Variants in NRG1 observed in about 807,000 individuals in gnomAD.
NRG1 encodes the protein neuregulin 1, also known as pro-neuregulin-1, membrane-bound isoform.
NRG1 carries 18 observed loss-of-function variants against 63.8 expected under a neutral mutation model. That is an observed-to-expected ratio of 0.28 (90% CI 0.19 to 0.42). The LOEUF (loss-of-function observed/expected upper bound fraction) is 0.42. NRG1 is among the 10% of genes least tolerant of loss of function. The pLI is 1.00. For missense variants in NRG1, 762 were observed against 814.7 expected, an observed-to-expected ratio of 0.94 and a Z score of 0.79; for synonymous variants, 302 against 301.3, an observed-to-expected ratio of 1.00 and a Z score of -0.02.
At chr8:31,654,154 A>G (rs1232307374) in intron 1 of NRG1, among the ~76,000 whole-genome samples, 1 of 152,202 alleles carries the variant, frequency 6.6e-6, no homozygotes, top group African/African-American at 2.4e-5. Flanking sequence ...GGACTCAGTC[A>G]TATTTCTCTT....
intron 1 of NRG1, among the ~76,000 whole-genome samples, chr8:31,726,775 T>A (rs1414582423): frequency 2.1e-5 from 1 of 47,790 alleles, no homozygotes; most frequent in Non-Finnish European, 4.5e-5. Context: ...TGTCCTGGAA[T>A]GAGGCAAGGA....
chr8:32,633,055 C>T (rs1408554553), intron 5 of NRG1, among the ~76,000 whole-genome samples: 2 of 151,982 alleles, frequency 1.3e-5, no homozygotes, highest in Admixed American at 1.3e-4. Flanking sequence ...TTTTTGACTA[C>T]TTTTTTATGC....
chr8:31,640,023 CG>C lies in NRG1; in HGVS notation c.37+594del. On this transcript the variant is annotated intron_variant, in intron 1 of 10. Transcript: ENST00000519301. The surrounding 1 kb of genome is among the most constrained non-coding windows in gnomAD (Gnocchi z 6.3). ...GCGCCCCGCGCCGCTCCGGGCGTCC[CG>C]GCCCCCGGGCCCAGCGCCCCGGCTC... 1 of 1,136,184 alleles carries C rather than the reference CG, an allele frequency of 8.8e-7. No individual in the cohort carries two copies. 70.4% of individuals were successfully genotyped at this position (1,136,184 alleles called of 1,614,324 possible).
chr8:32,754,544 A>C, intron 8 of NRG1, 70 bp downstream of exon 8: 1 of 1,415,414 alleles, frequency 7.1e-7, no homozygotes, highest in Non-Finnish European at 9.9e-7. Flanking sequence ...AGGGCTTTGC[A>C]GAATCTGAGC....
intron 1 of NRG1, among the ~76,000 whole-genome samples, chr8:31,708,680 C>G (rs997885440): frequency 1.3e-5 from 2 of 151,834 alleles, no homozygotes; most frequent in African/African-American, 2.4e-5. Flanking sequence ...CTCCTGACCT[C>G]GTGATCCGCC....
At chr8:31,989,636 G>A (rs943981308) in intron 1 of NRG1, among the ~76,000 whole-genome samples, 3 of 151,962 alleles carry the variant, frequency 2.0e-5, no homozygotes, top group Non-Finnish European at 4.4e-5. Context: ...ATTTCTCAAT[G>A]AAAAAATAAT....
chr8:32,259,683 G>A (rs1850143773), intron 1 of NRG1, among the ~76,000 whole-genome samples: 1 of 152,172 alleles, frequency 6.6e-6, no homozygotes, highest in Non-Finnish European at 1.5e-5. Context: ...AAGTATAGGT[G>A]TCTGAACATC....
At chr8:32,041,546 G>A (rs1315667435) in intron 1 of NRG1, among the ~76,000 whole-genome samples, 2 of 152,324 alleles carry the variant, frequency 1.3e-5, no homozygotes, top group East Asian at 3.9e-4. Context: ...GGGAAGCTCA[G>A]AAGTAGACAT....
chr8:32,034,299 C>A (rs1294428782), intron 1 of NRG1, among the ~76,000 whole-genome samples: 1 of 152,170 alleles, frequency 6.6e-6, no homozygotes, highest in Non-Finnish European at 1.5e-5. Flanking sequence ...AACAATTAAG[C>A]CAACTTTATC....
intron 1 of NRG1, among the ~76,000 whole-genome samples, chr8:32,341,722 T>C (rs1804104023): frequency 6.6e-6 from 1 of 152,150 alleles, no homozygotes; most frequent in Non-Finnish European, 1.5e-5. Flanking sequence ...AAAACCAAGT[T>C]GTATCGTTGA....
intron 1 of NRG1, among the ~76,000 whole-genome samples, chr8:32,018,517 T>G (rs997392418): frequency 1.3e-5 from 2 of 152,256 alleles, no homozygotes; most frequent in African/African-American, 2.4e-5. Flanking sequence ...AAAAATAGAT[T>G]GTTGCAGAAA....
intron 1 of NRG1, among the ~76,000 whole-genome samples, chr8:32,240,834 T>A (rs1848026848): frequency 6.6e-6 from 1 of 152,148 alleles, no homozygotes; most frequent in Non-Finnish European, 1.5e-5. Flanking sequence ...TCAGATTTTT[T>A]ATTTTGAGAT....
At chr8:32,229,082 A>G (rs1846628479) in intron 1 of NRG1, among the ~76,000 whole-genome samples, 1 of 152,160 alleles carries the variant, frequency 6.6e-6, no homozygotes. Context: ...ATTATCTTCA[A>G]TGGGAAACGT....
intron 1 of NRG1, among the ~76,000 whole-genome samples, chr8:32,432,272 A>G (rs551209065): frequency 3.9e-5 from 6 of 152,312 alleles, no homozygotes; most frequent in South Asian, 2.1e-4. Flanking sequence ...ATTGAAAGCT[A>G]ACTATGTACT....
intron 1 of NRG1, among the ~76,000 whole-genome samples, chr8:32,403,928 G>A (rs188984406): frequency 6.6e-6 from 1 of 152,292 alleles, no homozygotes; most frequent in East Asian, 1.9e-4. Context: ...TCTGAGGCAA[G>A]AGCAGATTCT....
In NRG1 at chr8:32,591,811, G is replaced by T. The variant is rs532118897; in HGVS notation, c.101-4017G>T. 2.1e-3 allele frequency among the ~76,000 whole-genome samples: 325 copies of T among 152,164 alleles called. 1 individual carries two copies. Among genetic ancestry groups the T allele is most frequent in the South Asian group, 0.015 (70 of 4,816 alleles). ...CTTGAGAGCGGAGGGTGAGAAGAAC[G>T]TGACGATTGAAAAACTGCCAGTTGG... On this transcript the variant is annotated intron_variant, in intron 1 of 11. Transcript: ENST00000356819.
intron 1 of NRG1, among the ~76,000 whole-genome samples, chr8:31,772,738 G>A (rs1214113468): frequency 6.6e-6 from 1 of 152,036 alleles, no homozygotes; most frequent in Non-Finnish European, 1.5e-5. Context: ...GATATAAAAG[G>A]CTCTGAAGCA....
At chr8:32,397,855 C>T (rs1337258819) in intron 1 of NRG1, among the ~76,000 whole-genome samples, 3 of 152,144 alleles carry the variant, frequency 2.0e-5, no homozygotes, top group African/African-American at 4.8e-5. Context: ...GTCTTCCATA[C>T]CATTATTTTG....
chr8:31,695,648 T>G (rs1273272387), intron 1 of NRG1, among the ~76,000 whole-genome samples: 3 of 152,208 alleles, frequency 2.0e-5, no homozygotes. Flanking sequence ...CAAACCATAT[T>G]ACTGAGGAAC....
Sources: allele counts gnomAD v4.1 joint callset (sites outside exome capture counted in the v4.1 genomes callset), GRCh38; gene constraint gnomAD v4.1.1; non-coding constraint Gnocchi (gnomAD v3.1); transcripts MANE v1.5; gene names NCBI Gene and HGNC (gene_info 2026-07-23, HGNC 2026-07-21).